The following KIAA1217 variants were observed in gnomAD, a reference collection of about 807,000 sequenced individuals.
KIAA1217 encodes sickle tail protein homolog.
In KIAA1217, 88 loss-of-function variants were observed where a neutral mutation model predicts 163.9. The observed-to-expected ratio is 0.54, with a 90% CI of 0.45 to 0.64. The LOEUF is 0.64. Among genes scored for constraint, KIAA1217 ranks in the 30% least tolerant of loss-of-function variants. KIAA1217 has a pLI of 0.00. For synonymous variants in KIAA1217, 903 were observed against 923.1 expected (o/e 0.98, Z 0.39); for missense variants, 2,372 against 2,475.0 (o/e 0.96, Z 0.88).
At chr10:24,060,898 C>T (rs2060698454) in intron 2 of KIAA1217, among the ~76,000 whole-genome samples, 1 of 152,166 alleles carries the variant, frequency 6.6e-6, no homozygotes, top group Non-Finnish European at 1.5e-5. Context: ...TTTATTTGTA[C>T]TAGAGAAGAA....
chr10:24,211,397 G>T (rs1283690706), intron 1 of KIAA1217, among the ~76,000 whole-genome samples: 5 of 141,318 alleles, frequency 3.5e-5, no homozygotes, highest in Non-Finnish European at 7.6e-5. Flanking sequence ...TTTTAGAGAG[G>T]GTCTCATTTG....
At chr10:23,795,822 C>G (rs1836172920) in intron 1 of KIAA1217, among the ~76,000 whole-genome samples, 1 of 152,060 alleles carries the variant, frequency 6.6e-6, no homozygotes, top group African/African-American at 2.4e-5. Flanking sequence ...TTCTGGGGGT[C>G]CAGATTGCTA....
In KIAA1217 at chr10:23,902,534, A is replaced by T. The variant is rs114098644; in HGVS notation, c.-320-104691A>T. Among the ~76,000 whole-genome samples the T allele has an allele frequency of 4.1e-3, 619 of 152,220 alleles. 4 individuals are homozygous for T. Among genetic ancestry groups the T allele is most frequent in the African/African-American group, 0.015 (608 of 41,554 alleles). On this transcript the variant is annotated intron_variant, in intron 1 of 18. Transcript: ENST00000376462. Reference sequence around the variant, plus strand: ...TGCATTCTTTGCATGTGGTGAATTTATGCATAAGGAGGGAGTAGATGCCAT... The same window carrying T: ...TGCATTCTTTGCATGTGGTGAATTTTTGCATAAGGAGGGAGTAGATGCCAT...
At chr10:24,321,336 C>T (rs2044125675) in intron 2 of KIAA1217, among the ~76,000 whole-genome samples, 1 of 152,046 alleles carries the variant, frequency 6.6e-6, no homozygotes, top group East Asian at 1.9e-4. Context: ...GTCAAGAGTT[C>T]GAGACCAGCC....
chr10:24,293,135 T>C (rs1363427929), intron 2 of KIAA1217, among the ~76,000 whole-genome samples: 1 of 152,176 alleles, frequency 6.6e-6, no homozygotes, highest in East Asian at 1.9e-4. Context: ...CTCTGCCTCC[T>C]GGGTTCAAGC....
chr10:24,376,819 A>G (rs576603474), intron 2 of KIAA1217, among the ~76,000 whole-genome samples: 96 of 152,290 alleles, frequency 6.3e-4, no homozygotes, highest in African/African-American at 2.2e-3. Context: ...TCAACTCTGG[A>G]GTGCGCCACA....
At chr10:23,902,366 TA>T (rs1841991743) in intron 1 of KIAA1217, among the ~76,000 whole-genome samples, 1 of 151,950 alleles carries the variant, frequency 6.6e-6, no homozygotes, top group Non-Finnish European at 1.5e-5. Context: ...AAACCTCAGC[TA>T]AGTAGCAATG....
At chr10:24,262,398 T>A (rs1418469226) in intron 2 of KIAA1217, among the ~76,000 whole-genome samples, 1 of 151,716 alleles carries the variant, frequency 6.6e-6, no homozygotes, top group Non-Finnish European at 1.5e-5. Context: ...GAGGCCGAGG[T>A]GGGTGGATCA....
At chr10:23,896,773 C>G (rs1372448071) in intron 1 of KIAA1217, among the ~76,000 whole-genome samples, 1 of 152,014 alleles carries the variant, frequency 6.6e-6, no homozygotes, top group East Asian at 1.9e-4. Context: ...TTTCCATTAT[C>G]AGTTATATTT....
At chr10:24,078,862 C>T (rs988947460) in intron 2 of KIAA1217, among the ~76,000 whole-genome samples, 2 of 152,220 alleles carry the variant, frequency 1.3e-5, no homozygotes, top group Non-Finnish European at 2.9e-5. Flanking sequence ...GCAATGCCCC[C>T]ACATCCTTCA....
chr10:23,815,266 T>TG (rs2130994633), intron 1 of KIAA1217, among the ~76,000 whole-genome samples: 1 of 152,012 alleles, frequency 6.6e-6, no homozygotes, highest in East Asian at 1.9e-4. Context: ...CTTTTACAGA[T>TG]GAAAAAAAAG....
intron 2 of KIAA1217, among the ~76,000 whole-genome samples, chr10:24,148,243 C>G (rs552682645): frequency 6.6e-6 from 1 of 151,840 alleles, no homozygotes; most frequent in Admixed American, 6.6e-5. Context: ...CAAATCGAAC[C>G]GAGTTTTATA....
chr10:24,402,495 C>A, intron 3 of KIAA1217, among the ~76,000 whole-genome samples: 1 of 130,948 alleles, frequency 7.6e-6, no homozygotes, highest in Admixed American at 7.9e-5. Context: ...GGTGACAAGG[C>A]AAGACTCCCT....
intron 1 of KIAA1217, among the ~76,000 whole-genome samples, chr10:23,771,413 A>C (rs1162383368): frequency 6.6e-6 from 1 of 152,212 alleles, no homozygotes; most frequent in African/African-American, 2.4e-5. Context: ...TTTGCTGCTC[A>C]AAACATTATT....
At chr10:23,999,055 G>A (rs1846625032) in intron 1 of KIAA1217, among the ~76,000 whole-genome samples, 1 of 151,990 alleles carries the variant, frequency 6.6e-6, no homozygotes, top group Admixed American at 6.6e-5. Flanking sequence ...ACTAAAAATA[G>A]CCATATACAG....
intron 5 of KIAA1217, among the ~76,000 whole-genome samples, chr10:24,470,807 C>T (rs1371979086): frequency 6.6e-6 from 1 of 152,150 alleles, no homozygotes; most frequent in African/African-American, 2.4e-5. Context: ...TCATTGGTCA[C>T]TTTCATTATG....
chr10:24,345,837 C>T (rs1267016684), intron 2 of KIAA1217, among the ~76,000 whole-genome samples: 1 of 150,010 alleles, frequency 6.7e-6, no homozygotes, highest in Non-Finnish European at 1.5e-5. Context: ...CGTAAAATTA[C>T]CATCTTAACC....
intron 1 of KIAA1217, among the ~76,000 whole-genome samples, chr10:23,754,869 A>C (rs1428878868): frequency 6.6e-6 from 1 of 151,792 alleles, no homozygotes; most frequent in African/African-American, 2.4e-5. Context: ...GAGACTTGCT[A>C]ATTTTTTTCC....
At chr10:24,525,079 C>T (rs116197824) in intron 13 of KIAA1217, among the ~76,000 whole-genome samples, 138 of 140,816 alleles carry the variant, frequency 9.8e-4, no homozygotes, top group Non-Finnish European at 1.6e-3. Context: ...GTTGTGGCGG[C>T]GGGGTGGGGG....
Sources: gnomAD v4.1 joint callset for allele counts (sites outside exome capture counted in the v4.1 genomes callset) on GRCh38, gnomAD v4.1.1 for gene constraint, MANE v1.5 for transcripts, NCBI Gene and HGNC (gene_info 2026-07-23, HGNC 2026-07-21) for gene names.